The following TNKS variants were observed in gnomAD, a reference collection of about 807,000 sequenced individuals.
The protein encoded by TNKS is tankyrase.
A neutral mutation model predicts 135.8 loss-of-function variants in TNKS; 72 were observed. The observed-to-expected ratio is 0.53, with a 90% CI of 0.44 to 0.64. TNKS has a LOEUF of 0.64. TNKS is among the 30% of genes least tolerant of loss of function. TNKS has a pLI of 0.00. For missense variants in TNKS, 1,769 were observed against 1,674.0 expected (o/e 1.06, Z -0.99); for synonymous variants, 849 against 649.3 (o/e 1.31, Z -4.68).
intron 17 of TNKS, among the ~76,000 whole-genome samples, chr8:9,746,649 C>T (rs895987091): frequency 1.3e-5 from 2 of 152,022 alleles, no homozygotes; most frequent in Non-Finnish European, 2.9e-5. Flanking sequence ...TCCCCTATTC[C>T]ATTTCGTAAT....
In TNKS at chr8:9,662,743, A is replaced by G. The variant is rs188555660; in HGVS notation, c.995-17208A>G. 6.6e-5 allele frequency among the ~76,000 whole-genome samples: 10 copies of G among 152,308 alleles called. No individual in the cohort carries two copies. The East Asian group carries it at 1.9e-3, about 29-fold the overall frequency. ...ACATGTACCCTAAAACCTAAAGTAT[A>G]ATAATAATAAAATTTTTAAAAAAAG... On this transcript the variant is annotated intron_variant, in intron 3 of 26. Transcript: ENST00000310430.
At chr8:9,682,457 A>C (rs1007560909) in intron 5 of TNKS, among the ~76,000 whole-genome samples, 1 of 152,154 alleles carries the variant, frequency 6.6e-6, no homozygotes, top group African/African-American at 2.4e-5. Flanking sequence ...AAATGTATAG[A>C]ACTCATTTAT....
At chr8:9,714,106 T>C (rs1804471915) in intron 11 of TNKS, among the ~76,000 whole-genome samples, 1 of 152,206 alleles carries the variant, frequency 6.6e-6, no homozygotes, top group South Asian at 2.1e-4. Context: ...TGACAGAACT[T>C]AGTGGTATTT....
intron 1 of TNKS, among the ~76,000 whole-genome samples, chr8:9,569,227 G>A (rs2129051065): frequency 6.6e-6 from 1 of 152,256 alleles, no homozygotes; most frequent in East Asian, 1.9e-4. Context: ...ATCACTCCCT[G>A]GACGACATCA....
chr8:9,694,544 T>A (rs1456950527), intron 5 of TNKS, among the ~76,000 whole-genome samples: 1 of 152,038 alleles, frequency 6.6e-6, no homozygotes, highest in Non-Finnish European at 1.5e-5. Flanking sequence ...GGTGGATCAC[T>A]TGAGGTCAGG....
chr8:9,597,304 C>G (rs1053207482), intron 2 of TNKS, among the ~76,000 whole-genome samples: 1 of 152,152 alleles, frequency 6.6e-6, no homozygotes, highest in Non-Finnish European at 1.5e-5. Context: ...TTTCCACTTG[C>G]TTTCTTCTTG....
intron 9 of TNKS, among the ~76,000 whole-genome samples, chr8:9,709,472 A>T (rs965949032): frequency 6.6e-6 from 1 of 152,176 alleles, no homozygotes; most frequent in Admixed American, 6.5e-5. Context: ...AATTTCTGAG[A>T]ATATTTTTCT....
intron 5 of TNKS, among the ~76,000 whole-genome samples, chr8:9,700,986 T>G (rs2128805874): frequency 6.6e-6 from 1 of 151,624 alleles, no homozygotes; most frequent in East Asian, 1.9e-4. Flanking sequence ...CAGGCTGCAG[T>G]GCAGTGGCCC....
intron 3 of TNKS, among the ~76,000 whole-genome samples, chr8:9,648,995 T>C (rs180912611): frequency 6.6e-6 from 1 of 151,934 alleles, no homozygotes; most frequent in Non-Finnish European, 1.5e-5. Context: ...TAGAAAGTAG[T>C]GTCATACATA....
chr8:9,615,316 C>CA, intron 2 of TNKS: 1 of 253,318 alleles, frequency 3.9e-6, no homozygotes, highest in South Asian at 8.7e-5. Context: ...GGAGGCAAAC[C>CA]AAAACTCTAC....
At position 9,704,766 on chromosome 8, in the gene TNKS, ATCAGTTTACTTCCTG is replaced by A. The variant is rs772745047; in HGVS notation, c.1202+15_1202+29del. The A allele has an allele frequency of 1.2e-5, 19 of 1,607,760 alleles. No individual in the cohort carries two copies. Among genetic ancestry groups the A allele is most frequent in the Admixed American group, 1.7e-5 (1 of 59,366 alleles). On this transcript the variant is annotated intron_variant, in intron 6 of 26. Transcript: ENST00000310430. ...CATGCAAAAGACAAAGGGTAGGTCTATCAGTTTACTTCCTGTCAGTGCTTTGTTTTTTGTCTGATA... is the reference window on the plus strand; with the variant it reads ...CATGCAAAAGACAAAGGGTAGGTCTATCAGTGCTTTGTTTTTTGTCTGATA...
intron 3 of TNKS, among the ~76,000 whole-genome samples, chr8:9,670,466 C>G (rs1242851856): frequency 6.6e-6 from 1 of 152,130 alleles, no homozygotes; most frequent in African/African-American, 2.4e-5. Flanking sequence ...TATTTAATCC[C>G]ATCCCTAATG....
At chr8:9,696,573 G>A (rs980606241) in intron 5 of TNKS, among the ~76,000 whole-genome samples, 6 of 152,114 alleles carry the variant, frequency 3.9e-5, no homozygotes, top group African/African-American at 1.4e-4. Flanking sequence ...CCAAAAGGCT[G>A]CTAGAACTGA....
intron 1 of TNKS, among the ~76,000 whole-genome samples, chr8:9,573,032 G>GTATA (rs35844817): frequency 0.024 from 3,505 of 148,876 alleles, 52 homozygotes; most frequent in African/African-American, 0.037. Context: ...TATGTTATAT[G>GTATA]TATATATATA....
chr8:9,589,974 G>A (rs1329902706), intron 2 of TNKS, among the ~76,000 whole-genome samples: 2 of 152,106 alleles, frequency 1.3e-5, no homozygotes, highest in African/African-American at 2.4e-5. Flanking sequence ...TCATTGTCCC[G>A]TTGAATGTTA....
rs1808489024 is a variant in TNKS, at chr8:9,782,286, T to G, written c.*5550T>G. The G allele has an allele frequency of 6.5e-6, 1 of 152,706 alleles. No individual in the cohort carries two copies. Among genetic ancestry groups the G allele is most frequent in the Admixed American group, 6.5e-5 (1 of 15,282 alleles). The allele number at this position is 152,706 out of a possible 1,614,324, so 9.5% of individuals were successfully genotyped here. ...ATTTAACCTGCAATTGTGCTTTGGCTTAATGTCTAGCTCACTGTACTTGTA... is the reference window on the plus strand; with the variant it reads ...ATTTAACCTGCAATTGTGCTTTGGCGTAATGTCTAGCTCACTGTACTTGTA... On this transcript the variant is annotated 3_prime_UTR_variant, in exon 27 of 27. Transcript: ENST00000310430.
chr8:9,727,742 C>T (rs1405115958), intron 13 of TNKS, among the ~76,000 whole-genome samples: 5 of 152,140 alleles, frequency 3.3e-5, no homozygotes, highest in Non-Finnish European at 5.9e-5. Flanking sequence ...TTGAAAGTGA[C>T]GGTAAACACG....
intron 18 of TNKS, among the ~76,000 whole-genome samples, chr8:9,750,118 A>T: frequency 6.6e-6 from 1 of 152,336 alleles, no homozygotes; most frequent in Non-Finnish European, 1.5e-5. Flanking sequence ...TCTTTCATCT[A>T]GCCAAGGGAA....
chr8:9,632,226 A>C (rs911489253), intron 3 of TNKS, among the ~76,000 whole-genome samples: 1 of 152,166 alleles, frequency 6.6e-6, no homozygotes, highest in Non-Finnish European at 1.5e-5. Flanking sequence ...GAGCTATTTG[A>C]ATTTTATGAG....
Sources: gnomAD v4.1 joint callset for allele counts (sites outside exome capture counted in the v4.1 genomes callset) on GRCh38, gnomAD v4.1.1 for gene constraint, MANE v1.5 for transcripts, NCBI Gene and HGNC (gene_info 2026-07-23, HGNC 2026-07-21) for gene names.